Variants in CPEB2 observed in about 807,000 individuals in gnomAD.
The protein encoded by CPEB2 is cytoplasmic polyadenylation element-binding protein 2.
A neutral mutation model predicts 93.6 loss-of-function variants in CPEB2; 56 were observed. The ratio of observed to expected loss-of-function variants is 0.60; its 90% confidence interval spans 0.48 to 0.75. The LOEUF (loss-of-function observed/expected upper bound fraction) is 0.75, where lower values mean the gene tolerates loss of function less well. CPEB2 is among the 30% of genes least tolerant of loss of function. The pLI, the probability that CPEB2 is intolerant of heterozygous loss-of-function variation, is 0.00. For synonymous variants in CPEB2, 764 were observed against 586.3 expected, an observed-to-expected ratio of 1.30 and a Z score of -4.38; for missense variants, 1,579 against 1,395.1, an observed-to-expected ratio of 1.13 and a Z score of -2.10.
chr4:15,009,670 CTG>C (rs757149276), intron 3 of CPEB2, among the ~76,000 whole-genome samples: 59 of 152,212 alleles, frequency 3.9e-4, no homozygotes, highest in Admixed American at 1.8e-3. Context: ...CATAATTACT[CTG>C]TGCAGAAAGA....
At chr4:15,012,422 CTTCA>C (rs1356091138) in intron 3 of CPEB2, among the ~76,000 whole-genome samples, 5 of 152,118 alleles carry the variant, frequency 3.3e-5, no homozygotes, top group African/African-American at 7.2e-5. Flanking sequence ...AGAAATGTAT[CTTCA>C]TTCATTCTGT....
Position 15,002,637 on chromosome 4 carries a change from C to T in CPEB2, c.-37C>T, listed in dbSNP as rs920180006. ...GCGGCTTCCTAGGTGGGGCAGGGGA[C>T]GAGGAGCGTCTCCTCCCGCTGCCGG... On this transcript the variant is annotated 5_prime_UTR_variant, in exon 1 of 12. The change creates a new upstream start codon in the 5' untranslated region. Transcript: ENST00000538197. The T allele has an allele frequency of 1.3e-5, 19 of 1,458,912 alleles. No individual in the cohort carries two copies. Among genetic ancestry groups the T allele is most frequent in the Admixed American group, 2.2e-5 (1 of 44,456 alleles). 90.4% of individuals were successfully genotyped at this position (1,458,912 alleles called of 1,614,324 possible). A position where few individuals can be genotyped will look rare whatever the true frequency, so the allele number is the denominator to read the frequency against.
In CPEB2 at chr4:15,067,432, TA is replaced by T. The variant is rs1453448343; in HGVS notation, c.*1054del. Reference sequence around the variant, plus strand: ...TGTGCAATTTTGTGACGTGCGGTTCTAATTCATGTGCAGTGATATAGTATAG... The same window carrying T: ...TGTGCAATTTTGTGACGTGCGGTTCTATTCATGTGCAGTGATATAGTATAG... On this transcript the variant is annotated 3_prime_UTR_variant, in exon 12 of 12. Coordinates refer to ENST00000538197, the MANE Select transcript of CPEB2 (RefSeq NM_001177382.2). 1 of 152,494 alleles carries T rather than the reference TA, an allele frequency of 6.6e-6. No individual in the cohort carries two copies. Among genetic ancestry groups the T allele is most frequent in the Non-Finnish European group, 1.5e-5 (1 of 67,976 alleles). 9.4% of individuals were successfully genotyped at this position (152,494 alleles called of 1,614,324 possible).
At chr4:15,030,109 C>T (rs1206579607) in intron 4 of CPEB2, among the ~76,000 whole-genome samples, 2 of 151,946 alleles carry the variant, frequency 1.3e-5, no homozygotes, top group Non-Finnish European at 2.9e-5. Context: ...AGTCACTGCA[C>T]CACAGGTCTT....
chr4:15,004,100 T>A lies in CPEB2; in HGVS notation c.1427T>A (p.Leu476His). 1 of 1,558,476 alleles carries A rather than the reference T, an allele frequency of 6.4e-7. No homozygotes were observed. Among genetic ancestry groups the A allele is most frequent in the Non-Finnish European group, 8.6e-7 (1 of 1,156,574 alleles). The change falls in exon 1 of 12, where the codon CTC becomes CAC. Residue 476 changes from leucine (L) to histidine (H), a missense_variant. Around this residue, in one of 2 missense-constraint regions of CPEB2, gnomAD observed 1,411 missense variants for 1,056.0 expected, o/e 1.34. Coordinates refer to ENST00000538197, the MANE Select transcript of CPEB2 (RefSeq NM_001177382.2). ...GTGTCGCCGCACGGCTGCACTGGGC[T>A]CAGCGTTCCGACGAGCGGCGGCGGC... ...SPVSPHGCTG[L>H]SVPTSGGGGG...
At chr4:15,005,832 T>C (rs544761170) in intron 1 of CPEB2, among the ~76,000 whole-genome samples, 1 of 152,340 alleles carries the variant, frequency 6.6e-6, no homozygotes, top group East Asian at 1.9e-4. Flanking sequence ...TGTTCCACTT[T>C]TTCATGATTT....
chr4:15,016,979 A>G (rs1724224663), intron 3 of CPEB2, among the ~76,000 whole-genome samples: 1 of 152,012 alleles, frequency 6.6e-6, no homozygotes, highest in Non-Finnish European at 1.5e-5. Context: ...TAAAAGCTTT[A>G]AGAGATAAAT....
chr4:15,036,317 A>T (rs1726606420), intron 5 of CPEB2, among the ~76,000 whole-genome samples: 1 of 152,222 alleles, frequency 6.6e-6, no homozygotes, highest in South Asian at 2.1e-4. Flanking sequence ...AATTAAGTTG[A>T]ATTGACTGCT....
rs1192402836 is a variant in CPEB2 at position 15,003,754 on chromosome 4, C to G, written c.1081C>G (p.Pro361Ala). The change falls in exon 1 of 12, where the codon CCC becomes GCC. Residue 361 changes from proline (P) to alanine (A), a missense_variant. Pro to Ala is a conservative substitution (Grantham distance 27). Transcript: ENST00000538197. ...CGGCGGCGGCGGCGGGGGCGGGGGGCCCCCAGGAGGCGGAGGGGGAGGCGG... is the reference window on the plus strand; with the variant it reads ...CGGCGGCGGCGGCGGGGGCGGGGGGGCCCCAGGAGGCGGAGGGGGAGGCGG... ...GGGGGGGGGG[P>A]PGGGGGGGSA... The G allele has an allele frequency of 2.7e-5, 34 of 1,252,330 alleles. No individual in the cohort carries two copies. Among genetic ancestry groups the G allele is most frequent in the Non-Finnish European group, 3.2e-5 (32 of 1,003,088 alleles). 77.6% of individuals were successfully genotyped at this position (1,252,330 alleles called of 1,614,324 possible). A position where few individuals can be genotyped will look rare whatever the true frequency, so the allele number is the denominator to read the frequency against.
At chr4:15,039,763 T>C (rs1726994741) in intron 5 of CPEB2, among the ~76,000 whole-genome samples, 1 of 152,162 alleles carries the variant, frequency 6.6e-6, no homozygotes, top group Non-Finnish European at 1.5e-5. Flanking sequence ...CATGATTTTG[T>C]TAATAGTAAT....
At chr4:15,008,495 T>A (rs1286884695) in intron 3 of CPEB2, 68 bp downstream of exon 3, 1 of 1,013,186 alleles carries the variant, frequency 9.9e-7, no homozygotes, top group Non-Finnish European at 1.5e-6. Context: ...ATGAGTAGGA[T>A]TTATTATTTA....
Position 15,008,386 on chromosome 4 carries a change from G to T in CPEB2, c.1993G>T (p.Asp665Tyr), listed in dbSNP as rs1392338763. ...AGCTTGGGGCTCAGATTCACTCCAAGATAGTTGGTGCACTGCAGCCGGAAC... is the reference window on the plus strand; with the variant it reads ...AGCTTGGGGCTCAGATTCACTCCAATATAGTTGGTGCACTGCAGCCGGAAC... ...LPAWGSDSLQ[D>Y]SWCTAAGTSR... Residue 665 changes from aspartate to tyrosine, a missense_variant, in exon 3 of 12, where the codon GAT (aspartate) becomes TAT (tyrosine). Physicochemically the swap from Asp to Tyr is radical, Grantham distance 160 (BLOSUM62 -3). Around this residue, in one of 2 missense-constraint regions of CPEB2, gnomAD observed 1,411 missense variants for 1,056.0 expected, o/e 1.34. Coordinates refer to ENST00000538197, the MANE Select transcript of CPEB2 (RefSeq NM_001177382.2). The T allele has an allele frequency of 2.5e-6, 4 of 1,613,852 alleles. No homozygotes were observed. Among genetic ancestry groups the T allele is most frequent in the Non-Finnish European group, 3.4e-6 (4 of 1,179,912 alleles).
Position 15,004,424 on chromosome 4 carries a change from C to T in CPEB2, c.1662+89C>T, listed in dbSNP as rs546378915. 9.3e-4 allele frequency: 939 copies of T among 1,009,650 alleles called. 7 individuals carry two copies. The East Asian group carries it at 0.02, about 21-fold the overall frequency. The allele number at this position is 1,009,650 out of a possible 1,614,324, so 62.5% of individuals were successfully genotyped here. A position where few individuals can be genotyped will look rare whatever the true frequency, so the allele number is the denominator to read the frequency against. On this transcript the variant is annotated intron_variant, in intron 1 of 11. Coordinates refer to ENST00000538197, the MANE Select transcript of CPEB2 (RefSeq NM_001177382.2). ...GGGGGCAGGGCAGCCGGGGACCCGACCTTAGCCCCGAGAGAAGCCGCGACG... is the reference window on the plus strand; with the variant it reads ...GGGGGCAGGGCAGCCGGGGACCCGATCTTAGCCCCGAGAGAAGCCGCGACG...
At chr4:15,013,723 G>C (rs1723773951) in intron 3 of CPEB2, among the ~76,000 whole-genome samples, 1 of 151,992 alleles carries the variant, frequency 6.6e-6, no homozygotes, top group Non-Finnish European at 1.5e-5. Context: ...GAGATGTCAT[G>C]TGCTCTTTGG....
chr4:15,065,427 G>A (rs777334124), intron 11 of CPEB2, among the ~76,000 whole-genome samples: 4 of 152,042 alleles, frequency 2.6e-5, no homozygotes, highest in Non-Finnish European at 5.9e-5. Flanking sequence ...CAAGGCTATT[G>A]CAGCTAATAG....
intron 8 of CPEB2, among the ~76,000 whole-genome samples, chr4:15,055,823 A>G (rs1161529049): frequency 1.3e-5 from 2 of 152,118 alleles, no homozygotes; most frequent in Non-Finnish European, 2.9e-5. Flanking sequence ...CAGTGCTTTT[A>G]TGTATGATAC....
intron 10 of CPEB2, among the ~76,000 whole-genome samples, chr4:15,060,025 T>C (rs1396561757): frequency 6.6e-6 from 1 of 152,136 alleles, no homozygotes; most frequent in Non-Finnish European, 1.5e-5. Flanking sequence ...CTTGAAGGTA[T>C]TTGAAGTCTG....
chr4:15,028,972 A>G (rs183780438), intron 4 of CPEB2, among the ~76,000 whole-genome samples: 1 of 152,252 alleles, frequency 6.6e-6, no homozygotes, highest in Admixed American at 6.5e-5. Context: ...AGGCTTTTTT[A>G]TACAGTTGTC....
chr4:15,005,536 G>T (rs1174015371), intron 1 of CPEB2, among the ~76,000 whole-genome samples: 3 of 152,144 alleles, frequency 2.0e-5, no homozygotes, highest in African/African-American at 7.2e-5. Flanking sequence ...AATCTTGTTA[G>T]CATTTGTTGC....
Sources: gnomAD v4.1 joint callset for allele counts (sites outside exome capture counted in the v4.1 genomes callset) on GRCh38, gnomAD v4.1.1 for gene constraint, gnomAD v4.1.1 regional missense constraint, MANE v1.5 for transcripts, NCBI Gene and HGNC (gene_info 2026-07-23, HGNC 2026-07-21) for gene names.